The following AP3S1 variants were observed in gnomAD, a reference collection of about 807,000 sequenced individuals.
AP3S1 encodes the protein AP-3 complex subunit sigma-1.
AP3S1 carries 12 observed loss-of-function variants against 21.3 expected under a neutral mutation model. That is an observed-to-expected ratio of 0.56 (90% CI 0.36 to 0.91). The LOEUF is 0.91. Ranked by LOEUF, AP3S1 falls within the 40% of genes least tolerant of loss-of-function variation. AP3S1 has a pLI of 0.01. For synonymous variants in AP3S1, 48 were observed against 78.4 expected, an observed-to-expected ratio of 0.61 and a Z score of 2.05; for missense variants, 116 against 225.0, an observed-to-expected ratio of 0.52 and a Z score of 3.10.
At chr5:115,901,553 CTTT>C (rs1375375319) in intron 4 of AP3S1, among the ~76,000 whole-genome samples, 3 of 140,816 alleles carry the variant, frequency 2.1e-5, no homozygotes, top group Admixed American at 7.2e-5. Context: ...ATAATGATGA[CTTT>C]TTTTTTTTTT....
At position 115,906,954 on chromosome 5, in the gene AP3S1, T is replaced by C. The variant is rs1047523208; in HGVS notation, c.453+3962T>C. Reference sequence around the variant, plus strand: ...TTATTTAGGCCAGACTCAAAAATTCTTTGTGTTAATAAACCCATATAGTCC... The same window carrying C: ...TTATTTAGGCCAGACTCAAAAATTCCTTGTGTTAATAAACCCATATAGTCC... On this transcript the variant is annotated intron_variant, in intron 5 of 5. Coordinates refer to ENST00000316788, the MANE Select transcript of AP3S1 (RefSeq NM_001284.4). The C allele has an allele frequency of 5.1e-6, 7 of 1,382,894 alleles. No individual in the cohort carries two copies. The Admixed American group carries it at 2.1e-4, about 41-fold the overall frequency. The allele number at this position is 1,382,894 out of a possible 1,614,324, so 85.7% of individuals were successfully genotyped here. A position where few individuals can be genotyped will look rare whatever the true frequency, so the allele number is the denominator to read the frequency against.
At chr5:115,853,006 A>G (rs1762549967) in intron 1 of AP3S1, 1 of 453,906 alleles carries the variant, frequency 2.2e-6, no homozygotes. Context: ...AAAATTGCCA[A>G]ATCATATGGT....
At chr5:115,910,533 A>G (rs1229865523) in intron 5 of AP3S1, among the ~76,000 whole-genome samples, 1 of 152,108 alleles carries the variant, frequency 6.6e-6, no homozygotes, top group Admixed American at 6.5e-5. Flanking sequence ...CTTAACCAAG[A>G]TGAAAATTAC....
At chr5:115,901,297 G>A (rs905696255) in intron 4 of AP3S1, among the ~76,000 whole-genome samples, 1 of 151,874 alleles carries the variant, frequency 6.6e-6, no homozygotes, top group Non-Finnish European at 1.5e-5. Context: ...AGTAGCTTTG[G>A]ATAAAGGGAC....
chr5:115,899,471 A>T (rs989718371), intron 4 of AP3S1, among the ~76,000 whole-genome samples: 1 of 152,160 alleles, frequency 6.6e-6, no homozygotes, highest in Admixed American at 6.5e-5. Context: ...TTATTTTGGT[A>T]TGGCTGGGGT....
At position 115,888,800 on chromosome 5, in the gene AP3S1, A is replaced by G. The variant is rs939306046; in HGVS notation, c.274-6287A>G. Among the ~76,000 whole-genome samples the G allele has an allele frequency of 1.3e-4, 20 of 152,212 alleles. No homozygotes were observed. The South Asian group carries it at 3.5e-3, about 27-fold the overall frequency. On this transcript the variant is annotated intron_variant, in intron 3 of 5. Transcript: ENST00000316788. ...TTTCTATTTTAATTTTATAATTATC[A>G]TGTATTTTGAACAGCCAGATAAATA...
At chr5:115,842,215 C>A in intron 1 of AP3S1, 109 bp downstream of exon 1, 1 of 1,399,102 alleles carries the variant, frequency 7.1e-7, no homozygotes, top group Non-Finnish European at 9.4e-7. Flanking sequence ...CGGCCCTTGT[C>A]CCGTCCCGGC....
intron 2 of AP3S1, 124 bp downstream of exon 2, chr5:115,866,885 A>G: frequency 4.4e-6 from 2 of 451,588 alleles, no homozygotes; most frequent in Admixed American, 8.8e-5. Flanking sequence ...ATTAATTGCC[A>G]CCTATGTTAG....
intron 4 of AP3S1, among the ~76,000 whole-genome samples, chr5:115,902,049 A>G (rs1751262877): frequency 1.3e-5 from 2 of 152,206 alleles, no homozygotes; most frequent in Non-Finnish European, 2.9e-5. Context: ...TTTCGTAAAT[A>G]AGGTAACAGA....
chr5:115,855,041 A>G (rs143115896), intron 1 of AP3S1, among the ~76,000 whole-genome samples: 99 of 151,372 alleles, frequency 6.5e-4, no homozygotes, highest in African/African-American at 2.3e-3. Context: ...CTATCTATCT[A>G]TCTATCTATC....
intron 1 of AP3S1, among the ~76,000 whole-genome samples, chr5:115,861,502 T>G (rs1763178006): frequency 6.6e-6 from 1 of 152,222 alleles, no homozygotes; most frequent in Non-Finnish European, 1.5e-5. Flanking sequence ...AGTTTTTTAT[T>G]TGTTTAATTT....
chr5:115,868,560 T>C (rs1334327459), intron 2 of AP3S1, among the ~76,000 whole-genome samples: 7 of 152,108 alleles, frequency 4.6e-5, no homozygotes, highest in African/African-American at 7.2e-5. Context: ...ACAGAACTTA[T>C]AAGTTTAGTA....
intron 1 of AP3S1, among the ~76,000 whole-genome samples, chr5:115,857,084 C>A (rs1762854720): frequency 6.6e-6 from 1 of 152,140 alleles, no homozygotes; most frequent in Non-Finnish European, 1.5e-5. Context: ...ATGAGAAATT[C>A]TTTCACTATC....
At chr5:115,878,484 T>G (rs1748949365) in intron 3 of AP3S1, among the ~76,000 whole-genome samples, 1 of 152,202 alleles carries the variant, frequency 6.6e-6, no homozygotes, top group African/African-American at 2.4e-5. Flanking sequence ...TTTTGTCAGA[T>G]TTACCAAAGG....
At chr5:115,910,124 A>G (rs915319340) in intron 5 of AP3S1, among the ~76,000 whole-genome samples, 1 of 152,038 alleles carries the variant, frequency 6.6e-6, no homozygotes, top group Admixed American at 6.6e-5. Flanking sequence ...TACATTAGCT[A>G]GGCGTGGTGG....
At chr5:115,853,939 A>G (rs747733916) in intron 1 of AP3S1, among the ~76,000 whole-genome samples, 13 of 152,166 alleles carry the variant, frequency 8.5e-5, no homozygotes, top group Non-Finnish European at 1.8e-4. Context: ...TTTTGCTTCT[A>G]TAACAGAATA....
chr5:115,846,421 C>G (rs543230776), intron 1 of AP3S1, among the ~76,000 whole-genome samples: 3 of 152,298 alleles, frequency 2.0e-5, no homozygotes, highest in East Asian at 3.9e-4. Context: ...ACACACCACA[C>G]ACATATTAAG....
rs1197053385 is a variant in AP3S1 at position 115,913,291 on chromosome 5, TGTAA to T, written c.454-68_454-65del. ...AAAATCTTTTATCATTGTCTTCCAT[TGTAA>T]GTGTTTTATGATGAGCTACACCTGA... is the stretch of plus-strand genomic sequence containing the variant. On this transcript the variant is annotated intron_variant, in intron 5 of 5. Coordinates refer to ENST00000316788, the MANE Select transcript of AP3S1 (RefSeq NM_001284.4). 3.4e-6 allele frequency: 5 copies of T among 1,471,952 alleles called. No homozygotes were observed. The African/African-American group carries it at 5.7e-5, about 17-fold the overall frequency. The allele number at this position is 1,471,952 out of a possible 1,614,324, so 91.2% of individuals were successfully genotyped here.
At chr5:115,844,647 C>A (rs1761926288) in intron 1 of AP3S1, among the ~76,000 whole-genome samples, 1 of 152,154 alleles carries the variant, frequency 6.6e-6, no homozygotes, top group African/African-American at 2.4e-5. Flanking sequence ...TGTAGGGCGT[C>A]ATTCTATTCT....
Sources: gnomAD v4.1 joint callset for allele counts (sites outside exome capture counted in the v4.1 genomes callset) on GRCh38, gnomAD v4.1.1 for gene constraint, MANE v1.5 for transcripts, NCBI Gene and HGNC (gene_info 2026-07-23, HGNC 2026-07-21) for gene names.